The following KALRN variants were observed in gnomAD, a reference collection of about 807,000 sequenced individuals.
The protein encoded by KALRN is kalirin.
Under a neutral mutation model 353.7 loss-of-function variants are expected in KALRN, and 70 were observed. The ratio of observed to expected loss-of-function variants is 0.20; its 90% CI spans 0.16 to 0.24. KALRN has a LOEUF of 0.24. KALRN is among the 10% of genes least tolerant of loss of function. KALRN has a pLI of 1.00. For synonymous variants in KALRN, 1,391 were observed against 1,434.8 expected, an observed-to-expected ratio of 0.97 and a Z score of 0.69; for missense variants, 2,791 against 3,756.7, an observed-to-expected ratio of 0.74 and a Z score of 6.72.
At chr3:124,211,282 A>G (rs2076875556) in intron 1 of KALRN, among the ~76,000 whole-genome samples, 1 of 152,234 alleles carries the variant, frequency 6.6e-6, no homozygotes, top group South Asian at 2.1e-4. Context: ...AGGAATAGTG[A>G]TGCTAAGTTA....
intron 1 of KALRN, among the ~76,000 whole-genome samples, chr3:124,062,644 T>C (rs2042066502): frequency 6.6e-6 from 1 of 152,218 alleles, no homozygotes; most frequent in South Asian, 2.1e-4. Flanking sequence ...GGGGGTTTTC[T>C]TCTCTCATCA....
chr3:124,089,244 G>A (rs911989806), intron 1 of KALRN, among the ~76,000 whole-genome samples: 1 of 152,146 alleles, frequency 6.6e-6, no homozygotes, highest in African/African-American at 2.4e-5. Context: ...GACCTGCTGA[G>A]GGGGGCTATC....
chr3:124,233,197 A>G (rs912580909), intron 2 of KALRN, among the ~76,000 whole-genome samples: 1 of 152,154 alleles, frequency 6.6e-6, no homozygotes, highest in Admixed American at 6.5e-5. Flanking sequence ...GGAAAAAAAC[A>G]ACAGCTATGG....
chr3:124,720,862 GT>G lies in KALRN; in HGVS notation c.*1398del, dbSNP rs1430448318. The G allele has an allele frequency of 6.6e-6, 1 of 152,132 alleles. No individual in the cohort carries two copies. Among genetic ancestry groups the G allele is most frequent in the Non-Finnish European group, 1.5e-5 (1 of 68,006 alleles). The allele number at this position is 152,132 out of a possible 1,614,324, so 9.4% of individuals were successfully genotyped here. A position where few individuals can be genotyped will look rare whatever the true frequency, so the allele number is the denominator to read the frequency against. ...CATTTGTTTTGGAGGGAGGGAGCTT[GT>G]TTTTTGTGTTTGTACATGATCCACC... is the stretch of plus-strand genomic sequence containing the variant. On this transcript the variant is annotated 3_prime_UTR_variant, in exon 60 of 60. Transcript: ENST00000682506.
intron 58 of KALRN, among the ~76,000 whole-genome samples, chr3:124,714,091 G>A (rs1394288565): frequency 6.6e-6 from 1 of 151,708 alleles, no homozygotes; most frequent in African/African-American, 2.4e-5. Context: ...AAAAAACAGA[G>A]GGGACAAACC....
intron 34 of KALRN, among the ~76,000 whole-genome samples, chr3:124,600,323 C>T (rs997163625): frequency 6.6e-6 from 1 of 152,238 alleles, no homozygotes; most frequent in African/African-American, 2.4e-5. Context: ...TGGCACTTGT[C>T]TCTTATTCCA....
At chr3:124,671,954 G>T (rs2086514116) in intron 48 of KALRN, 56 bp downstream of exon 48, 1 of 1,299,246 alleles carries the variant, frequency 7.7e-7, no homozygotes, top group Non-Finnish European at 1.1e-6. Flanking sequence ...AGCCTCAGGG[G>T]TTACTTTAGG....
chr3:124,073,822 T>A (rs2060133940), intron 1 of KALRN, among the ~76,000 whole-genome samples: 1 of 152,166 alleles, frequency 6.6e-6, no homozygotes, highest in Non-Finnish European at 1.5e-5. Flanking sequence ...TGGACATAGC[T>A]ACTATAATTT....
intron 1 of KALRN, among the ~76,000 whole-genome samples, chr3:124,041,761 A>T (rs1476219566): frequency 1.3e-5 from 2 of 152,194 alleles, no homozygotes; most frequent in Non-Finnish European, 2.9e-5. Context: ...TTTGTGTATG[A>T]ATGACTGGCA....
intron 45 of KALRN, 55 bp from the exon 46 acceptor site, chr3:124,666,394 C>A: frequency 6.5e-7 from 1 of 1,532,756 alleles, no homozygotes; most frequent in Non-Finnish European, 9.0e-7. Flanking sequence ...ACCCAGAGGG[C>A]AGTGGCTCGC....
chr3:124,481,682 A>G (rs1379077050), intron 27 of KALRN, among the ~76,000 whole-genome samples: 1 of 152,130 alleles, frequency 6.6e-6, no homozygotes, highest in Non-Finnish European at 1.5e-5. Context: ...GGTCCTCATC[A>G]TCATCTAAAC....
intron 13 of KALRN, among the ~76,000 whole-genome samples, chr3:124,406,099 A>G (rs1433394017): frequency 1.3e-5 from 2 of 152,350 alleles, no homozygotes; most frequent in Admixed American, 6.5e-5. Flanking sequence ...ATGTTCTCAC[A>G]TTATTTTGCC....
intron 1 of KALRN, among the ~76,000 whole-genome samples, chr3:124,159,798 A>G (rs2069632061): frequency 6.6e-6 from 1 of 151,982 alleles, no homozygotes; most frequent in South Asian, 2.1e-4. Flanking sequence ...CTCTCTCTGG[A>G]CAATTTAGCA....
At chr3:124,655,262 G>A (rs1439853454) in intron 38 of KALRN, among the ~76,000 whole-genome samples, 2 of 152,220 alleles carry the variant, frequency 1.3e-5, no homozygotes, top group African/African-American at 4.8e-5. Flanking sequence ...TGCCAAAATG[G>A]TTGTCAATCT....
chr3:124,318,946 G>A (rs539959206), intron 6 of KALRN, among the ~76,000 whole-genome samples: 2 of 152,190 alleles, frequency 1.3e-5, no homozygotes, highest in South Asian at 4.1e-4. Flanking sequence ...AAATGAGATT[G>A]TTGCATGAAC....
chr3:124,202,997 G>C (rs1198409133), intron 1 of KALRN, among the ~76,000 whole-genome samples: 1 of 152,184 alleles, frequency 6.6e-6, no homozygotes, highest in African/African-American at 2.4e-5. Flanking sequence ...CTCCCTGACA[G>C]TTCTGGTGGT....
chr3:124,606,168 A>G (rs2077327959), intron 34 of KALRN, among the ~76,000 whole-genome samples: 3 of 152,364 alleles, frequency 2.0e-5, no homozygotes, highest in Admixed American at 6.5e-5. Flanking sequence ...TTCAGAAAAC[A>G]CAGAGAGAAA....
intron 22 of KALRN, 128 bp from the exon 23 acceptor site, chr3:124,456,482 T>C: frequency 1.7e-6 from 1 of 595,958 alleles, no homozygotes; most frequent in Non-Finnish European, 3.1e-6. Context: ...TATGAGTCTG[T>C]AAGATCCCTC....
At chr3:124,450,549 C>T (rs1039732580) in intron 21 of KALRN, among the ~76,000 whole-genome samples, 1 of 150,392 alleles carries the variant, frequency 6.6e-6, no homozygotes, top group African/African-American at 2.4e-5. Context: ...AGGCGTGATG[C>T]TATTTCTGAG....
Sources: gnomAD v4.1 joint callset for allele counts (sites outside exome capture counted in the v4.1 genomes callset) on GRCh38, gnomAD v4.1.1 for gene constraint, MANE v1.5 for transcripts, NCBI Gene and HGNC (gene_info 2026-07-23, HGNC 2026-07-21) for gene names.